The following STX8 variants were observed in gnomAD, a reference collection of about 807,000 sequenced individuals.
The protein encoded by STX8 is syntaxin-8.
A neutral mutation model predicts 37.5 loss-of-function variants in STX8; 23 were observed. That is an observed-to-expected ratio of 0.61 (90% CI 0.44 to 0.87). The LOEUF (loss-of-function observed/expected upper bound fraction) is 0.87, where lower values mean the gene tolerates loss of function less well. Ranked by LOEUF, STX8 falls within the 40% of genes least tolerant of loss-of-function variation. The pLI, the probability that STX8 is intolerant of heterozygous loss-of-function variation, is 0.00. For missense variants in STX8, 313 were observed against 284.7 expected (o/e 1.10, Z -0.71); for synonymous variants, 115 against 99.1 (o/e 1.16, Z -0.95).
chr17:9,487,515 G>C (rs1906650294), intron 6 of STX8, among the ~76,000 whole-genome samples: 1 of 152,096 alleles, frequency 6.6e-6, no homozygotes, highest in Admixed American at 6.6e-5. Flanking sequence ...TCCTCAGAGA[G>C]TCTCTTTTCC....
chr17:9,468,900 A>C (rs1905726637), intron 6 of STX8, among the ~76,000 whole-genome samples: 1 of 152,154 alleles, frequency 6.6e-6, no homozygotes, highest in South Asian at 2.1e-4. Flanking sequence ...TCCCTCCCAC[A>C]AATGTTGATC....
At chr17:9,329,571 C>T (rs1909894755) in intron 7 of STX8, among the ~76,000 whole-genome samples, 1 of 152,220 alleles carries the variant, frequency 6.6e-6, no homozygotes, top group Admixed American at 6.5e-5. Context: ...CACAATGTAG[C>T]CCACCCACCT....
intron 7 of STX8, among the ~76,000 whole-genome samples, chr17:9,257,777 C>T (rs1906855105): frequency 6.6e-6 from 1 of 152,206 alleles, no homozygotes; most frequent in Non-Finnish European, 1.5e-5. Context: ...CACCTGAGGT[C>T]AGGAGATTGA....
At chr17:9,283,871 G>A (rs894663792) in intron 7 of STX8, among the ~76,000 whole-genome samples, 2 of 152,136 alleles carry the variant, frequency 1.3e-5, no homozygotes, top group African/African-American at 4.8e-5. Context: ...AATCATATTC[G>A]AGGATTTTCT....
intron 6 of STX8, among the ~76,000 whole-genome samples, chr17:9,432,362 G>A (rs767703253): frequency 6.6e-6 from 1 of 152,140 alleles, no homozygotes; most frequent in Non-Finnish European, 1.5e-5. Flanking sequence ...ATTATTGAAA[G>A]TAACCTCCCA....
intron 6 of STX8, among the ~76,000 whole-genome samples, chr17:9,398,944 G>A (rs892994427): frequency 3.3e-5 from 5 of 151,826 alleles, no homozygotes; most frequent in Non-Finnish European, 5.9e-5. Flanking sequence ...AGCTACTCGG[G>A]AGGTGGAGGC....
At chr17:9,376,137 C>G (rs1222688128) in intron 7 of STX8, among the ~76,000 whole-genome samples, 1 of 152,200 alleles carries the variant, frequency 6.6e-6, no homozygotes, top group Non-Finnish European at 1.5e-5. Flanking sequence ...GGCTGGACTT[C>G]TGGGTCGGGT....
chr17:9,411,510 T>C lies in STX8; in HGVS notation c.542-32857A>G, dbSNP rs139867210. Among the ~76,000 whole-genome samples the C allele has an allele frequency of 7.5e-3, 1,147 of 152,358 alleles. 18 individuals carry two copies. Among genetic ancestry groups the C allele is most frequent in the South Asian group, 0.045 (217 of 4,830 alleles). On this transcript the variant is annotated intron_variant, in intron 6 of 7. Transcript: ENST00000306357. ...TTGCTTTAAGAGAAATTGTTTTGCC[T>C]AATTAATCACAAAGTTTTCAAGTAA...
chr17:9,359,715 A>G (rs1597623736), intron 7 of STX8, among the ~76,000 whole-genome samples: 1 of 151,992 alleles, frequency 6.6e-6, no homozygotes, highest in South Asian at 2.1e-4. Flanking sequence ...TCACCGTGTT[A>G]GCCAGGATGG....
chr17:9,500,577 G>T (rs918375647), intron 5 of STX8, among the ~76,000 whole-genome samples: 1 of 152,112 alleles, frequency 6.6e-6, no homozygotes, highest in African/African-American at 2.4e-5. Flanking sequence ...TTTGAGTCTC[G>T]AGCTGAGTGT....
chr17:9,409,867 G>A (rs2142331960), intron 6 of STX8, among the ~76,000 whole-genome samples: 1 of 152,338 alleles, frequency 6.6e-6, no homozygotes, highest in South Asian at 2.1e-4. Context: ...CTGTACAAAA[G>A]TAAGAGAAAT....
chr17:9,353,731 G>A (rs2113557), intron 7 of STX8, among the ~76,000 whole-genome samples: 120,205 of 152,112 alleles, frequency 0.79, 48,713 homozygotes, highest in South Asian at 0.9. Context: ...CTAAGGGTGC[G>A]TAAAGTATAT....
At chr17:9,542,940 G>T (rs1906342758) in intron 4 of STX8, among the ~76,000 whole-genome samples, 1 of 151,938 alleles carries the variant, frequency 6.6e-6, no homozygotes, top group African/African-American at 2.4e-5. Context: ...AGGCAAGCGG[G>T]GACCAAAAAC....
intron 2 of STX8, among the ~76,000 whole-genome samples, chr17:9,567,000 T>G (rs1268484633): frequency 6.6e-6 from 1 of 152,216 alleles, no homozygotes; most frequent in African/African-American, 2.4e-5. Context: ...AAGGCCATTA[T>G]CCTTAGCAAA....
Position 9,427,776 on chromosome 17 carries a change from C to A in STX8, c.542-49123G>T, listed in dbSNP as rs73973742. On this transcript the variant is annotated intron_variant, in intron 6 of 7. Coordinates refer to ENST00000306357, the MANE Select transcript of STX8 (RefSeq NM_004853.3). ...GGAGCCCAGAGTCCTAGAAGGCTAG[C>A]GGGTGCCTGTCCTGGAGAGAAAGCG... Among the ~76,000 whole-genome samples the A allele has an allele frequency of 1.4e-4, 21 of 152,176 alleles. No individual in the cohort carries two copies. The South Asian group carries it at 4.1e-3, about 30-fold the overall frequency.
At chr17:9,367,372 C>A (rs1348657153) in intron 7 of STX8, among the ~76,000 whole-genome samples, 1 of 152,036 alleles carries the variant, frequency 6.6e-6, no homozygotes, top group Non-Finnish European at 1.5e-5. Flanking sequence ...CTGGCCTCAC[C>A]ATCCAGATCA....
chr17:9,515,633 C>T (rs1905138845), intron 4 of STX8, among the ~76,000 whole-genome samples: 3 of 152,178 alleles, frequency 2.0e-5, no homozygotes, highest in Admixed American at 2.0e-4. Context: ...AGGGATCCTC[C>T]CACCTCAGCC....
chr17:9,414,223 G>A (rs1186574979), intron 6 of STX8, among the ~76,000 whole-genome samples: 1 of 150,944 alleles, frequency 6.6e-6, no homozygotes, highest in African/African-American at 2.4e-5. Flanking sequence ...GAAGGTAAGT[G>A]GTAGCTACAG....
chr17:9,391,048 T>C (rs905229933), intron 6 of STX8, among the ~76,000 whole-genome samples: 4 of 152,156 alleles, frequency 2.6e-5, no homozygotes, highest in African/African-American at 9.7e-5. Flanking sequence ...GATATGCTAA[T>C]GACACTGCAG....
Sources: allele counts gnomAD v4.1 joint callset (sites outside exome capture counted in the v4.1 genomes callset), GRCh38; gene constraint gnomAD v4.1.1; transcripts MANE v1.5; gene names NCBI Gene and HGNC (gene_info 2026-07-23, HGNC 2026-07-21).